The following ARAP2 variants were observed in gnomAD, a reference collection of about 807,000 sequenced individuals.
The protein encoded by ARAP2 is ArfGAP with RhoGAP domain, ankyrin repeat and PH domain 2, also known as arf-GAP with Rho-GAP domain, ANK repeat and PH domain-containing protein 2.
ARAP2 carries 148 observed loss-of-function variants against 194.5 expected under a neutral mutation model. The ratio of observed to expected loss-of-function variants is 0.76; its 90% CI spans 0.67 to 0.87. The LOEUF is 0.87. Among genes scored for constraint, ARAP2 ranks in the 40% least tolerant of loss-of-function variants. ARAP2 has a pLI of 0.00. For synonymous variants in ARAP2, 695 were observed against 683.5 expected (o/e 1.02, Z -0.26); for missense variants, 2,128 against 1,989.7 (o/e 1.07, Z -1.32).
intron 8 of ARAP2, among the ~76,000 whole-genome samples, chr4:36,180,898 T>C (rs1027181140): frequency 6.6e-6 from 1 of 152,310 alleles, no homozygotes; most frequent in East Asian, 1.9e-4. Flanking sequence ...GCCATGTCAA[T>C]GGAAAGGAAC....
chr4:36,117,199 T>C (rs1036284500), intron 24 of ARAP2, 64 bp from the exon 25 acceptor site: 2 of 1,150,876 alleles, frequency 1.7e-6, no homozygotes, highest in African/African-American at 3.2e-5. Flanking sequence ...TATTTGAAAC[T>C]GAAGACAGCT....
intron 2 of ARAP2, among the ~76,000 whole-genome samples, chr4:36,221,454 G>A (rs181592224): frequency 6.6e-6 from 1 of 152,118 alleles, no homozygotes; most frequent in East Asian, 1.9e-4. Context: ...ATAAGTAACT[G>A]ATCTGAGATC....
intron 15 of ARAP2, among the ~76,000 whole-genome samples, chr4:36,154,680 A>T (rs1396613418): frequency 6.6e-6 from 1 of 152,222 alleles, no homozygotes; most frequent in Non-Finnish European, 1.5e-5. Flanking sequence ...AAAAACTTCA[A>T]ATCTTAAAAA....
intron 27 of ARAP2, among the ~76,000 whole-genome samples, chr4:36,094,366 C>T (rs912444210): frequency 6.6e-6 from 1 of 152,092 alleles, no homozygotes; most frequent in African/African-American, 2.4e-5. Context: ...TTATGGCTTA[C>T]AAAACCTAAA....
intron 27 of ARAP2, among the ~76,000 whole-genome samples, chr4:36,099,677 G>A (rs888576474): frequency 9.2e-5 from 14 of 152,038 alleles, no homozygotes; most frequent in Admixed American, 7.2e-4. Flanking sequence ...GAAACAATAC[G>A]GTGACTAAGA....
chr4:36,227,102 T>G (rs1750494168), intron 2 of ARAP2, among the ~76,000 whole-genome samples: 1 of 152,066 alleles, frequency 6.6e-6, no homozygotes, highest in African/African-American at 2.4e-5. Context: ...ACTCAATGAG[T>G]GGTTAAGGAA....
intron 22 of ARAP2, among the ~76,000 whole-genome samples, chr4:36,124,314 A>T (rs889735466): frequency 2.6e-4 from 40 of 151,404 alleles, no homozygotes; most frequent in East Asian, 3.9e-4. Context: ...CTAAGATTTA[A>T]AAAAAAAACT....
At chr4:36,135,279 T>A (rs1380562215) in intron 19 of ARAP2, among the ~76,000 whole-genome samples, 1 of 151,764 alleles carries the variant, frequency 6.6e-6, no homozygotes, top group Admixed American at 6.6e-5. Flanking sequence ...ATCTTTTACA[T>A]TTCTGATAAT....
rs201074166 is a variant in ARAP2 at position 36,091,931 on chromosome 4, G to A, written c.4375C>T (p.Arg1459Trp). 1.0e-4 allele frequency: 160 copies of A among 1,606,664 alleles called. No homozygotes were observed. In the East Asian group the frequency reaches 1.8e-3, roughly 18 times the overall value. The change falls in exon 28 of 33, where the codon CGG becomes TGG. Residue 1459 changes from arginine (R) to tryptophan (W), a missense_variant. Arg to Trp is a moderately radical substitution (Grantham distance 101). Transcript: ENST00000303965. ...KILSGNKFQD[R>W]YFVLRDGFLF... ...AACCCATCTCGTAAAACAAAATACC[G>A]GTCTTGAAACTTATTTCCAGATAGT...
rs779759817 is a variant in ARAP2, at chr4:36,073,820, C to G, written c.4612G>C (p.Glu1538Gln). ...WMTSIFIAQH[E>Q]YDIWPPAGKE... ...CCAGCTGGTGGCCATATATCATATTCATGCTGTGGAAACACAATTTCTTGC... is the reference window on the plus strand; with the variant it reads ...CCAGCTGGTGGCCATATATCATATTGATGCTGTGGAAACACAATTTCTTGC... The change falls in exon 32 of 33, where the codon GAA becomes CAA. Residue 1538 changes from glutamate (E) to glutamine (Q), a missense_variant. By Grantham distance (29) the Glu-to-Gln change is conservative (BLOSUM62 2). Transcript: ENST00000303965. 24 of 1,612,560 alleles carry G rather than the reference C, an allele frequency of 1.5e-5. No individual in the cohort carries two copies. In the South Asian group the frequency reaches 2.6e-4, roughly 18 times the overall value.
At position 36,110,170 on chromosome 4, in the gene ARAP2, T is replaced by G. The variant is rs141918420; in HGVS notation, c.4157-2477A>C. 2.2e-4 allele frequency among the ~76,000 whole-genome samples: 34 copies of G among 151,974 alleles called. No individual in the cohort carries two copies. In the East Asian group the frequency reaches 5.3e-3, roughly 24 times the overall value. ...AAGCCCAAAATCTTAACTATTATAG[T>G]TAATTTTATTCTGTACACATATGTA... On this transcript the variant is annotated intron_variant, in intron 26 of 32. Coordinates refer to ENST00000303965, the MANE Select transcript of ARAP2 (RefSeq NM_015230.4).
intron 5 of ARAP2, among the ~76,000 whole-genome samples, chr4:36,043,794 A>AGTAGG (rs1721268599): frequency 3.7e-5 from 1 of 26,880 alleles, no homozygotes. Flanking sequence ...AGAAGAGAAG[A>AGTAGG]GAAGGGAAGG....
chr4:36,179,315 T>C (rs1385427127), intron 8 of ARAP2, among the ~76,000 whole-genome samples: 1 of 152,118 alleles, frequency 6.6e-6, no homozygotes, highest in East Asian at 1.9e-4. Flanking sequence ...ATACATATGA[T>C]GGGTGTTGAT....
intron 25 of ARAP2, among the ~76,000 whole-genome samples, chr4:36,115,611 A>G (rs1560461993): frequency 6.6e-6 from 1 of 151,948 alleles, no homozygotes; most frequent in East Asian, 1.9e-4. Flanking sequence ...ACAGATCAGT[A>G]TACTGAACGT....
intron 6 of ARAP2, among the ~76,000 whole-genome samples, chr4:36,206,860 A>C (rs1289798602): frequency 6.6e-6 from 1 of 152,200 alleles, no homozygotes; most frequent in Non-Finnish European, 1.5e-5. Context: ...GCCAAAAAAA[A>C]AGTTAAATTT....
Position 36,114,289 on chromosome 4 carries a change from T to C in ARAP2, c.4039-2A>G. 1 of 1,543,498 alleles carries C rather than the reference T, an allele frequency of 6.5e-7. No homozygotes were observed. On this transcript the variant is annotated splice_acceptor_variant, in intron 25 of 32. Coordinates refer to ENST00000303965, the MANE Select transcript of ARAP2 (RefSeq NM_015230.4). LOFTEE classifies it high-confidence loss of function. ...TTCTGCTTCCATCACAGGAGATATC[T>C]GTAAGAGAAGTAATATTTTTTCAAA...
chr4:36,020,467 C>A (rs1716728148), intron 5 of ARAP2, among the ~76,000 whole-genome samples: 1 of 149,844 alleles, frequency 6.7e-6, no homozygotes, highest in African/African-American at 2.5e-5. Context: ...TACTAAGCAA[C>A]TAATGGGCAG....
chr4:36,096,000 T>C (rs1715058821), intron 27 of ARAP2, among the ~76,000 whole-genome samples: 1 of 152,102 alleles, frequency 6.6e-6, no homozygotes, highest in Non-Finnish European at 1.5e-5. Flanking sequence ...ACCTTTCTGA[T>C]ATTAAGGTGA....
chr4:36,037,014 C>T (rs946400248), intron 5 of ARAP2, among the ~76,000 whole-genome samples: 5 of 152,144 alleles, frequency 3.3e-5, no homozygotes, highest in Non-Finnish European at 7.4e-5. Context: ...TTCTTCCCCT[C>T]TTCTTTTCTC....
Sources: allele counts gnomAD v4.1 joint callset (sites outside exome capture counted in the v4.1 genomes callset), GRCh38; gene constraint gnomAD v4.1.1; transcripts MANE v1.5; gene names NCBI Gene and HGNC (gene_info 2026-07-23, HGNC 2026-07-21).